The following NCALD variants were observed in gnomAD, a reference collection of about 807,000 sequenced individuals.
NCALD encodes neurocalcin delta.
Under a neutral mutation model 18.6 loss-of-function variants are expected in NCALD, and 10 were observed. That is an observed-to-expected ratio of 0.54 (90% confidence interval 0.33 to 0.91). NCALD has a LOEUF of 0.91. Among genes scored for constraint, NCALD ranks in the 40% least tolerant of loss-of-function variants. NCALD has a pLI of 0.03. For missense variants in NCALD, 184 were observed against 247.6 expected (o/e 0.74, Z 1.72); for synonymous variants, 88 against 87.4 (o/e 1.01, Z -0.04).
intron 2 of NCALD, among the ~76,000 whole-genome samples, chr8:101,920,262 G>A (rs1044265274): frequency 2.6e-5 from 4 of 151,602 alleles, no homozygotes; most frequent in African/African-American, 9.7e-5. Flanking sequence ...GTCTCAAGGG[G>A]GAAAAAAAGA....
chr8:102,104,666 T>C (rs964754876), intron 1 of NCALD, among the ~76,000 whole-genome samples: 21 of 152,126 alleles, frequency 1.4e-4, no homozygotes, highest in African/African-American at 4.8e-4. Flanking sequence ...AAATGTTCAG[T>C]AGCGATGTGG....
At chr8:101,976,504 A>G (rs915061420) in intron 2 of NCALD, among the ~76,000 whole-genome samples, 2 of 152,252 alleles carry the variant, frequency 1.3e-5, no homozygotes, top group African/African-American at 4.8e-5. Flanking sequence ...GGAAACTCCA[A>G]TGTTCATATC....
chr8:101,940,059 C>T (rs1187734730), intron 2 of NCALD, among the ~76,000 whole-genome samples: 1 of 152,146 alleles, frequency 6.6e-6, no homozygotes, highest in Non-Finnish European at 1.5e-5. Context: ...TTGTTTTTAT[C>T]ATGTATGTTC....
At chr8:101,804,294 T>C (rs1343254674) in intron 4 of NCALD, among the ~76,000 whole-genome samples, 1 of 135,938 alleles carries the variant, frequency 7.4e-6, no homozygotes, top group Non-Finnish European at 1.5e-5. Context: ...TTTATAACTA[T>C]TATATATAAT....
chr8:101,823,509 A>C (rs56891389), intron 4 of NCALD, among the ~76,000 whole-genome samples: 6,306 of 152,278 alleles, frequency 0.041, 320 homozygotes, highest in East Asian at 0.12. Flanking sequence ...CAAAGGTTTT[A>C]AAACAATATT....
chr8:102,006,719 G>T (rs1313235182), intron 2 of NCALD, among the ~76,000 whole-genome samples: 5 of 152,204 alleles, frequency 3.3e-5, no homozygotes, highest in African/African-American at 4.8e-5. Flanking sequence ...CCCGCTGGGT[G>T]GCTCCAACTC....
intron 1 of NCALD, among the ~76,000 whole-genome samples, chr8:101,750,947 T>C (rs1472325486): frequency 1.3e-5 from 2 of 152,148 alleles, no homozygotes; most frequent in Non-Finnish European, 2.9e-5. Flanking sequence ...GCTTTTAGGG[T>C]ATATCGCCTA....
intron 4 of NCALD, among the ~76,000 whole-genome samples, chr8:101,850,460 GA>G (rs1473393798): frequency 2.0e-5 from 3 of 152,190 alleles, no homozygotes; most frequent in Admixed American, 6.5e-5. Context: ...TTATTTTAAA[GA>G]AGAACTTGTG....
At chr8:101,727,340 T>C (rs766017458) in intron 1 of NCALD, among the ~76,000 whole-genome samples, 1 of 152,214 alleles carries the variant, frequency 6.6e-6, no homozygotes, top group Non-Finnish European at 1.5e-5. Context: ...TATTATCTCC[T>C]ACCTGATCTT....
At chr8:101,963,588 T>C (rs567581200) in intron 2 of NCALD, among the ~76,000 whole-genome samples, 5 of 152,330 alleles carry the variant, frequency 3.3e-5, no homozygotes, top group African/African-American at 1.2e-4. Flanking sequence ...GTTGATAATA[T>C]ATTCGAGTTT....
intron 3 of NCALD, among the ~76,000 whole-genome samples, chr8:101,902,826 A>T (rs548137751): frequency 4.2e-4 from 64 of 152,180 alleles, no homozygotes; most frequent in African/African-American, 1.5e-3. Flanking sequence ...CATTGTGCAC[A>T]TGTGTGGATT....
chr8:101,902,123 G>A (rs1019546908), intron 3 of NCALD, among the ~76,000 whole-genome samples: 2 of 152,106 alleles, frequency 1.3e-5, no homozygotes, highest in African/African-American at 4.8e-5. Flanking sequence ...ATGTTAGGTA[G>A]TTTTCATATT....
chr8:102,004,660 T>C (rs551988987), intron 2 of NCALD, among the ~76,000 whole-genome samples: 1 of 152,090 alleles, frequency 6.6e-6, no homozygotes, highest in Admixed American at 6.6e-5. Context: ...CAAAACAGCA[T>C]GGTACTGGTA....
intron 1 of NCALD, among the ~76,000 whole-genome samples, chr8:102,054,452 A>G (rs1047289913): frequency 2.0e-5 from 3 of 152,202 alleles, no homozygotes; most frequent in Non-Finnish European, 4.4e-5. Flanking sequence ...ATATATAAAA[A>G]TAAATGACTA....
intron 1 of NCALD, among the ~76,000 whole-genome samples, chr8:102,028,357 T>C (rs1822536846): frequency 6.6e-6 from 1 of 152,256 alleles, no homozygotes. Context: ...TGTAGGTTAA[T>C]TTTTTAAATA....
intron 2 of NCALD, among the ~76,000 whole-genome samples, chr8:101,978,116 C>T (rs909095859): frequency 1.3e-5 from 2 of 152,042 alleles, no homozygotes; most frequent in East Asian, 1.9e-4. Flanking sequence ...TGCCCACCCC[C>T]GAGAAGTGCA....
chr8:101,994,163 T>G (rs965942382), intron 2 of NCALD, among the ~76,000 whole-genome samples: 2 of 152,188 alleles, frequency 1.3e-5, no homozygotes, highest in African/African-American at 2.4e-5. Flanking sequence ...ATGTATAACT[T>G]TGGTGATCTC....
intron 4 of NCALD, chr8:101,872,223 G>A (rs1030110515): frequency 2.0e-5 from 30 of 1,496,336 alleles, no homozygotes; most frequent in Non-Finnish European, 2.2e-5. Flanking sequence ...AGCCCTCACT[G>A]GCTTTGGTAA....
chr8:101,795,660 G>A (rs1812612318), upstream of NCALD, among the ~76,000 whole-genome samples: 1 of 152,182 alleles, frequency 6.6e-6, no homozygotes. Context: ...TGAATTTGGG[G>A]AAGACACAAA....
Sources: gnomAD v4.1 joint callset for allele counts (sites outside exome capture counted in the v4.1 genomes callset) on GRCh38, gnomAD v4.1.1 for gene constraint, MANE v1.5 for transcripts, NCBI Gene and HGNC (gene_info 2026-07-23, HGNC 2026-07-21) for gene names.